The following PAMR1 variants were observed in gnomAD, a reference collection of about 807,000 sequenced individuals.
The protein encoded by PAMR1 is inactive serine protease PAMR1.
In PAMR1, 88 loss-of-function variants were observed where a neutral mutation model predicts 81.8. That is an observed-to-expected ratio of 1.08 (90% confidence interval 0.91 to 1.28). The LOEUF (loss-of-function observed/expected upper bound fraction) is 1.28. Among genes scored for constraint, PAMR1 ranks in the 50% most tolerant of loss-of-function variants. The pLI is 0.00. For missense variants in PAMR1, 935 were observed against 919.7 expected (o/e 1.02, Z -0.21); for synonymous variants, 336 against 345.3 (o/e 0.97, Z 0.30).
chr11:35,436,051 G>C lies in PAMR1; in HGVS notation c.1185C>G (p.Pro395=). 1 of 1,614,182 alleles carries C rather than the reference G, an allele frequency of 6.2e-7. No homozygotes were observed. The highest frequency in any genetic ancestry group is 8.5e-7 in the Non-Finnish European group (1 of 1,180,028). The change falls in exon 9 of 11, where the codon CCC becomes CCG. Residue 395 remains proline (P), a synonymous_variant. Transcript: ENST00000619888. The part of the protein sequence containing the change: ...QSAPTKKPAL[P]FGDLPMGYQH... ...GGTATCCCATGGGCAGATCTCCAAAGGGAAGGGCTGGCTTCTTGGTAGGGG... is the reference window on the plus strand; with the variant it reads ...GGTATCCCATGGGCAGATCTCCAAACGGAAGGGCTGGCTTCTTGGTAGGGG...
chr11:35,525,388 C>G (rs1851366731), intron 1 of PAMR1, 125 bp downstream of exon 1: 1 of 738,996 alleles, frequency 1.4e-6, no homozygotes, highest in Non-Finnish European at 2.3e-6. Context: ...CCCCTCAACC[C>G]CTCACCCCAA....
intron 7 of PAMR1, among the ~76,000 whole-genome samples, chr11:35,440,276 A>G (rs896575790): frequency 6.6e-6 from 1 of 152,242 alleles, no homozygotes; most frequent in African/African-American, 2.4e-5. Context: ...GGCAGCCAAC[A>G]TTCATCTAAT....
chr11:35,469,294 C>T (rs1242607959), intron 5 of PAMR1, among the ~76,000 whole-genome samples: 1 of 152,154 alleles, frequency 6.6e-6, no homozygotes, highest in Non-Finnish European at 1.5e-5. Flanking sequence ...AAAACACAGG[C>T]CAGTATTGCC....
chr11:35,468,019 C>T lies in PAMR1; in HGVS notation c.802G>A (p.Gly268Arg), dbSNP rs766810453. ...TACTCACGATTTTCACAGCGCTGCCCAGTATAGCCTGCCAAGCAGGCACAC... is the reference window on the plus strand; with the variant it reads ...TACTCACGATTTTCACAGCGCTGCCTAGTATAGCCTGCCAAGCAGGCACAC... ...YKCACLAGYT[G>R]QRCENLLEER... Residue 268 changes from glycine to arginine, a missense_variant, in exon 6 of 11, where the codon GGG becomes AGG. Gly to Arg is a moderately radical substitution (Grantham distance 125). Coordinates refer to ENST00000619888, the MANE Select transcript of PAMR1 (RefSeq NM_001001991.3). 1.3e-6 allele frequency: 2 copies of T among 1,560,372 alleles called. No homozygotes were observed. Among genetic ancestry groups the T allele is most frequent in the Non-Finnish European group, 1.7e-6 (2 of 1,150,298 alleles).
At chr11:35,433,666 C>G (rs61080767) in intron 10 of PAMR1, among the ~76,000 whole-genome samples, 1 of 152,284 alleles carries the variant, frequency 6.6e-6, no homozygotes, top group East Asian at 1.9e-4. Context: ...TGTCTACTTA[C>G]AGTGAAAGGC....
intron 4 of PAMR1, among the ~76,000 whole-genome samples, chr11:35,471,372 G>A (rs1040229582): frequency 1.3e-5 from 2 of 152,178 alleles, no homozygotes; most frequent in African/African-American, 4.8e-5. Context: ...ACAGTGTCCA[G>A]CGCAGTGCCT....
intron 4 of PAMR1, among the ~76,000 whole-genome samples, chr11:35,473,893 C>G (rs1996369): frequency 0.31 from 47,254 of 151,916 alleles, 7,692 homozygotes; most frequent in African/African-American, 0.41. Context: ...GTGAGGAAAG[C>G]GGGAGGTGTT....
chr11:35,464,995 C>A (rs559017637), intron 6 of PAMR1, among the ~76,000 whole-genome samples: 1 of 152,324 alleles, frequency 6.6e-6, no homozygotes, highest in South Asian at 2.1e-4. Context: ...GCTAATGGGA[C>A]ATGATGGTAA....
chr11:35,494,191 T>C lies in PAMR1; in HGVS notation c.155A>G (p.Glu52Gly). 1 of 1,613,990 alleles carries C rather than the reference T, an allele frequency of 6.2e-7. No homozygotes were observed. Among genetic ancestry groups the C allele is most frequent in the Non-Finnish European group, 8.5e-7 (1 of 1,179,872 alleles). ...TTCCCTCTTTCCGGGGCAGACGCAC[T>C]CAATCTGATCATATTCACAGCACTC... Reference protein sequence around the residue: ...CRECCEYDQIECVCPGKREVV... With the variant: ...CRECCEYDQIGCVCPGKREVV... Residue 52 changes from glutamate (E) to glycine (G), a missense_variant, in exon 2 of 11, where the codon GAG becomes GGG. Transcript: ENST00000619888.
In PAMR1 at chr11:35,501,680, G is replaced by A. The variant is rs111536896; in HGVS notation, c.74-7408C>T. On this transcript the variant is annotated intron_variant, in intron 1 of 10. Transcript: ENST00000619888. ...TGCTCCCACATATGAGTAAGAACACGCAATATTTATGGTTCTGTGCTTGCT... is the reference window on the plus strand; with the variant it reads ...TGCTCCCACATATGAGTAAGAACACACAATATTTATGGTTCTGTGCTTGCT... Among the ~76,000 whole-genome samples the A allele has an allele frequency of 4.3e-4, 66 of 152,004 alleles. No individual in the cohort carries two copies. The East Asian group carries it at 0.011, about 25-fold the overall frequency.
At chr11:35,525,649 G>A (rs1851373660), upstream of PAMR1, 1 of 1,469,174 alleles carries the variant, frequency 6.8e-7, no homozygotes, top group Admixed American at 1.8e-5. Flanking sequence ...GGGAGGCCGG[G>A]GGCAGGCGGG....
intron 8 of PAMR1, among the ~76,000 whole-genome samples, chr11:35,436,656 T>TCA (rs34951313): frequency 0.14 from 19,811 of 144,678 alleles, 1,208 homozygotes; most frequent in Non-Finnish European, 0.15. Context: ...TCTCTCTCTG[T>TCA]CACACACACA....
At chr11:35,517,085 A>C (rs1851178681) in intron 1 of PAMR1, among the ~76,000 whole-genome samples, 2 of 152,176 alleles carry the variant, frequency 1.3e-5, no homozygotes, top group Non-Finnish European at 2.9e-5. Flanking sequence ...TGAGAAGTCA[A>C]GTCACAGCTC....
upstream of PAMR1, chr11:35,525,803 C>T (rs905703008): frequency 1.7e-6 from 1 of 578,106 alleles, no homozygotes; most frequent in African/African-American, 1.9e-5. Flanking sequence ...TTAACCCTTG[C>T]GGGGCCCCGG....
Position 35,436,042 on chromosome 11 carries a change from A to T in PAMR1, c.1194T>A (p.Asp398Glu), listed in dbSNP as rs1159804159. The T allele has an allele frequency of 2.5e-6, 4 of 1,613,968 alleles. No individual in the cohort carries two copies. In the East Asian group the frequency reaches 6.7e-5, roughly 27 times the overall value. Residue 398 changes from aspartate (D) to glutamate (E), a missense_variant, in exon 9 of 11, where the codon GAT becomes GAA. Coordinates refer to ENST00000619888, the MANE Select transcript of PAMR1 (RefSeq NM_001001991.3). ...PTKKPALPFG[D>E]LPMGYQHLHT... ...GCAGATGTTGGTATCCCATGGGCAGATCTCCAAAGGGAAGGGCTGGCTTCT... is the reference window on the plus strand; with the variant it reads ...GCAGATGTTGGTATCCCATGGGCAGTTCTCCAAAGGGAAGGGCTGGCTTCT...
intron 6 of PAMR1, among the ~76,000 whole-genome samples, chr11:35,447,458 C>A (rs1290171783): frequency 6.6e-6 from 1 of 152,108 alleles, no homozygotes; most frequent in African/African-American, 2.4e-5. Context: ...CCGCCTCGGC[C>A]TCCCAAAGTC....
intron 1 of PAMR1, among the ~76,000 whole-genome samples, 176 bp downstream of exon 1, chr11:35,525,337 C>T (rs567839147): frequency 6.6e-6 from 1 of 152,238 alleles, no homozygotes; most frequent in Admixed American, 6.5e-5. Flanking sequence ...TCCAGCACCA[C>T]CAGCCAAGTC....
intron 1 of PAMR1, among the ~76,000 whole-genome samples, chr11:35,511,201 A>G (rs1050696002): frequency 6.6e-6 from 1 of 152,232 alleles, no homozygotes; most frequent in African/African-American, 2.4e-5. Flanking sequence ...GTGCTTTACA[A>G]CTATCCAATA....
rs1856121395 is a variant in PAMR1 at position 35,439,626 on chromosome 11, C to G, written c.1100+1G>C. 1 of 1,612,800 alleles carries G rather than the reference C, an allele frequency of 6.2e-7. No homozygotes were observed. The highest frequency in any genetic ancestry group is 8.5e-7 in the Non-Finnish European group (1 of 1,178,894). On this transcript the variant is annotated splice_donor_variant, in intron 8 of 10. Transcript: ENST00000619888. LOFTEE classifies it high-confidence loss of function. The stretch of plus-strand genomic sequence containing the variant: ...GCAGAGTGCAGGTGTTTTGACCTCA[C>G]CTTGACTGAACCTGCATCGGAAGAA...
Sources: allele counts gnomAD v4.1 joint callset (sites outside exome capture counted in the v4.1 genomes callset), GRCh38; gene constraint gnomAD v4.1.1; transcripts MANE v1.5; gene names NCBI Gene and HGNC (gene_info 2026-07-23, HGNC 2026-07-21).